The following MOSPD2 variants were observed in gnomAD, a reference collection of about 807,000 sequenced individuals.
MOSPD2 encodes the protein motile sperm domain-containing protein 2.
A neutral mutation model predicts 41.7 loss-of-function variants in MOSPD2; 5 were observed. The ratio of observed to expected loss-of-function variants is 0.12; its 90% confidence interval spans 0.06 to 0.25. MOSPD2 has a LOEUF of 0.25. MOSPD2 is among the 10% of genes least tolerant of loss of function. The pLI is 1.00. For synonymous variants in MOSPD2, 115 were observed against 126.9 expected (o/e 0.91, Z 0.63); for missense variants, 282 against 375.2 (o/e 0.75, Z 2.05).
At position 14,882,628 on chromosome X, in the gene MOSPD2, A is replaced by T. The variant is rs186037701; in HGVS notation, c.79+8870A>T. Among the ~76,000 whole-genome samples, 22 of 111,727 alleles carry T rather than the reference A, an allele frequency of 2.0e-4. No homozygotes were observed. In the East Asian group the frequency reaches 5.3e-3, roughly 27 times the overall value. On this transcript the variant is annotated intron_variant, in intron 2 of 14. Transcript: ENST00000380492. Reference sequence around the variant, plus strand: ...TTTTTGTCAATTAAATTAATTTTTTAAAAAGTTACCAATTTTTGTCCTTAT... The same window carrying T: ...TTTTTGTCAATTAAATTAATTTTTTTAAAAGTTACCAATTTTTGTCCTTAT...
chrX:14,907,431 A>G (rs1381081548), intron 7 of MOSPD2, among the ~76,000 whole-genome samples: 1 of 112,538 alleles, frequency 8.9e-6, no homozygotes, highest in Non-Finnish European at 1.9e-5. Flanking sequence ...CATTATTCAT[A>G]ATAACAAAAA....
At chrX:14,902,198 A>G (rs1163624441) in intron 6 of MOSPD2, among the ~76,000 whole-genome samples, 1 of 111,347 alleles carries the variant, frequency 9.0e-6, no homozygotes, top group Non-Finnish European at 1.9e-5. Context: ...CCTTATATGT[A>G]CTTTACTTGT....
At chrX:14,914,383 T>C (rs1296439365) in intron 10 of MOSPD2, 120 bp from the exon 11 acceptor site, 1 of 434,781 alleles carries the variant, frequency 2.3e-6, no homozygotes, top group Non-Finnish European at 3.9e-6. Context: ...TCTTTTTTGG[T>C]GAAATGTCTT....
intron 2 of MOSPD2, among the ~76,000 whole-genome samples, chrX:14,876,622 T>G (rs2092520754): frequency 1.8e-5 from 2 of 111,998 alleles, no homozygotes; most frequent in East Asian, 5.6e-4. Context: ...TTTCTTCCTC[T>G]TTCTCATGCC....
At chrX:14,888,079 A>G (rs771357165) in intron 2 of MOSPD2, among the ~76,000 whole-genome samples, 1 of 110,654 alleles carries the variant, frequency 9.0e-6, no homozygotes, top group East Asian at 2.9e-4. Flanking sequence ...AAAGAAATAC[A>G]GAGATGAGGC....
At chrX:14,903,112 A>T (rs748867343) in intron 7 of MOSPD2, 108 bp downstream of exon 7, 1 of 532,453 alleles carries the variant, frequency 1.9e-6, no homozygotes, top group East Asian at 3.8e-5. Context: ...TGTCCTTTGC[A>T]TGCTCTCTTA....
Position 14,879,018 on chromosome X carries a change from A to C in MOSPD2, c.79+5260A>C, listed in dbSNP as rs6628584. Among the ~76,000 whole-genome samples the C allele has an allele frequency of 8.0e-5, 9 of 112,049 alleles. No individual in the cohort carries two copies. In the East Asian group the frequency reaches 2.0e-3, roughly 24 times the overall value. On this transcript the variant is annotated intron_variant, in intron 2 of 14. Coordinates refer to ENST00000380492, the MANE Select transcript of MOSPD2 (RefSeq NM_152581.4). ...CTTCTCATTAAATTTGCAACCTATG[A>C]CATATTCCTCACCAGTACTTCATTA...
chrX:14,897,125 A>G lies in MOSPD2; in HGVS notation c.364A>G (p.Ile122Val). ...GTATCATGTAAAAGACCAGAAAACCATATTGGACAAAAAGAAGCTCATAGC... is the reference window on the plus strand; with the variant it reads ...GTATCATGTAAAAGACCAGAAAACCGTATTGGACAAAAAGAAGCTCATAGC... ...VKYHVKDQKT[I>V]LDKKKLIAFW... The change falls in exon 5 of 15, where the codon ATA becomes GTA. Residue 122 changes from isoleucine (I) to valine (V), a missense_variant. Coordinates refer to ENST00000380492, the MANE Select transcript of MOSPD2 (RefSeq NM_152581.4). 8.3e-7 allele frequency: 1 copy of G among 1,207,677 alleles called. No individual in the cohort carries two copies.
chrX:14,921,307 T>C lies in MOSPD2; in HGVS notation c.*1498T>C, dbSNP rs2092609261. ...GAATGATATAACAGTTCCTTCAAAA[T>C]TGGCCTAGGAAATAAAACCTTAAAA... On this transcript the variant is annotated 3_prime_UTR_variant, in exon 15 of 15. Transcript: ENST00000380492. 5 of 934,654 alleles carry C rather than the reference T, an allele frequency of 5.3e-6. No individual in the cohort carries two copies. The highest frequency in any genetic ancestry group is 6.6e-6 in the Non-Finnish European group (5 of 753,835). 77.0% of individuals were successfully genotyped at this position (934,654 alleles called of 1,213,427 possible).
At chrX:14,908,177 G>C (rs752716234) in intron 7 of MOSPD2, among the ~76,000 whole-genome samples, 1 of 111,909 alleles carries the variant, frequency 8.9e-6, no homozygotes, top group Non-Finnish European at 1.9e-5. Context: ...GACAGAACAA[G>C]ATTGTAATTA....
intron 9 of MOSPD2, 59 bp from the exon 10 acceptor site, chrX:14,912,190 T>C (rs2092592930): frequency 3.9e-6 from 3 of 761,405 alleles, no homozygotes. Flanking sequence ...GGCACTAAAA[T>C]AGATGTTAAT....
At chrX:14,915,483 C>T (rs111609305) in intron 11 of MOSPD2, 185 bp from the exon 12 acceptor site, 2,419 of 154,691 alleles carry the variant, frequency 0.016, 68 homozygotes, top group African/African-American at 0.073. Context: ...AGCACACCAA[C>T]ATGGCACATG....
At chrX:14,894,968 G>A (rs1187302130) in intron 3 of MOSPD2, among the ~76,000 whole-genome samples, 1 of 111,915 alleles carries the variant, frequency 8.9e-6, no homozygotes, top group Non-Finnish European at 1.9e-5. Flanking sequence ...TTCTGAGGCT[G>A]CAATGTGGAT....
At chrX:14,884,621 AC>A (rs1343742713) in intron 2 of MOSPD2, among the ~76,000 whole-genome samples, 1 of 111,570 alleles carries the variant, frequency 9.0e-6, no homozygotes, top group East Asian at 2.8e-4. Context: ...ATAAATATAA[AC>A]TGATTTCTGC....
chrX:14,908,263 CTG>C (rs1178041184), intron 7 of MOSPD2, among the ~76,000 whole-genome samples: 1 of 111,434 alleles, frequency 9.0e-6, no homozygotes, highest in East Asian at 2.8e-4. Context: ...GAGTGAGACT[CTG>C]TCTCAAAAAA....
At chrX:14,895,713 G>C (rs1244546229) in intron 4 of MOSPD2, among the ~76,000 whole-genome samples, 4 of 111,829 alleles carry the variant, frequency 3.6e-5, no homozygotes, top group Admixed American at 9.5e-5. Context: ...TATTTTTATG[G>C]AGAATTTTTT....
chrX:14,907,612 T>C (rs2092584469), intron 7 of MOSPD2, among the ~76,000 whole-genome samples: 1 of 112,422 alleles, frequency 8.9e-6, no homozygotes, highest in African/African-American at 3.2e-5. Context: ...AAAAGCCATG[T>C]TGTATGGTTT....
chrX:14,883,024 A>G (rs937229965), intron 2 of MOSPD2, among the ~76,000 whole-genome samples: 4 of 110,070 alleles, frequency 3.6e-5, no homozygotes, highest in Admixed American at 1.9e-4. Context: ...GTGAAACCCC[A>G]TCTCTACTAA....
chrX:14,875,199 G>C (rs944397801), intron 2 of MOSPD2, among the ~76,000 whole-genome samples: 1 of 112,393 alleles, frequency 8.9e-6, no homozygotes, highest in African/African-American at 3.2e-5. Context: ...GGCTAGGCCA[G>C]GACTAGTGCT....
Sources: allele counts gnomAD v4.1 joint callset (sites outside exome capture counted in the v4.1 genomes callset), GRCh38; gene constraint gnomAD v4.1.1; transcripts MANE v1.5; gene names NCBI Gene and HGNC (gene_info 2026-07-23, HGNC 2026-07-21).